DIAPH2: variants seen among roughly 807,000 people sequenced by gnomAD.
The protein encoded by DIAPH2 is protein diaphanous homolog 2.
In DIAPH2, 35 loss-of-function variants were observed where a neutral mutation model predicts 92.7. The observed-to-expected ratio is 0.38, with a 90% CI of 0.29 to 0.50. The LOEUF (loss-of-function observed/expected upper bound fraction) is 0.50, where lower values mean the gene tolerates loss of function less well. Among genes scored for constraint, DIAPH2 ranks in the 20% least tolerant of loss-of-function variants. DIAPH2 has a pLI of 0.94. For synonymous variants in DIAPH2, 301 were observed against 280.4 expected (o/e 1.07, Z -0.73); for missense variants, 701 against 819.5 (o/e 0.86, Z 1.77).
chrX:96,881,413 A>C (rs1327437351), intron 4 of DIAPH2, among the ~76,000 whole-genome samples, 166 bp from the exon 5 acceptor site: 2 of 111,297 alleles, frequency 1.8e-5, no homozygotes, highest in African/African-American at 6.5e-5. Context: ...GAAAATGTTG[A>C]GATATATACA....
At chrX:97,464,297 TAAAAAAA>T (rs753355896) in intron 26 of DIAPH2, among the ~76,000 whole-genome samples, 10 of 32,946 alleles carry the variant, frequency 3.0e-4, no homozygotes, top group Admixed American at 5.3e-4. Context: ...CCATCTCTAC[TAAAAAAA>T]AAAAAAAAAA....
At chrX:97,029,146 C>CCT (rs2066355456) in intron 17 of DIAPH2, among the ~76,000 whole-genome samples, 1 of 92,721 alleles carries the variant, frequency 1.1e-5, no homozygotes, top group Non-Finnish European at 2.2e-5. Flanking sequence ...TTTTCTTTTT[C>CCT]TTTTTTTTTT....
intron 22 of DIAPH2, among the ~76,000 whole-genome samples, chrX:97,155,139 TATTA>T (rs763991397): frequency 1.8e-5 from 2 of 112,286 alleles, no homozygotes; most frequent in Non-Finnish European, 3.8e-5. Context: ...GATGCTTATG[TATTA>T]ATTATTTGCT....
At chrX:97,289,730 T>G (rs2068574074) in intron 23 of DIAPH2, among the ~76,000 whole-genome samples, 2 of 109,798 alleles carry the variant, frequency 1.8e-5, no homozygotes, top group Admixed American at 9.8e-5. Flanking sequence ...TTTTTTTTTT[T>G]GGTTTGTTTT....
intron 26 of DIAPH2, among the ~76,000 whole-genome samples, chrX:97,437,760 T>TTA (rs2070202185): frequency 1.3e-5 from 1 of 78,966 alleles, no homozygotes; most frequent in Admixed American, 1.4e-4. Context: ...TTACATGATT[T>TTA]TACACACACA....
chrX:96,971,146 C>T (rs1207748953), intron 17 of DIAPH2, among the ~76,000 whole-genome samples: 1 of 111,564 alleles, frequency 9.0e-6, no homozygotes, highest in African/African-American at 3.3e-5. Context: ...AACACAGACT[C>T]TTTGTTTTAC....
intron 17 of DIAPH2, among the ~76,000 whole-genome samples, chrX:97,060,747 A>G (rs2066591850): frequency 8.9e-6 from 1 of 112,210 alleles, no homozygotes; most frequent in Non-Finnish European, 1.9e-5. Context: ...TTTTTGTTCT[A>G]TATTGTTTGC....
intron 15 of DIAPH2, among the ~76,000 whole-genome samples, chrX:96,956,013 C>A (rs939293697): frequency 8.9e-6 from 1 of 112,641 alleles, no homozygotes; most frequent in African/African-American, 3.2e-5. Flanking sequence ...GGGGCTCCAA[C>A]CCCACATTTC....
chrX:97,570,127 A>AT (rs1556243082), intron 26 of DIAPH2, among the ~76,000 whole-genome samples: 1,042 of 26,638 alleles, frequency 0.039, 56 homozygotes, highest in Middle Eastern at 0.094. Flanking sequence ...TATATATTAG[A>AT]AGATAGATAG....
intron 9 of DIAPH2, among the ~76,000 whole-genome samples, chrX:96,923,955 G>C (rs1238823164): frequency 8.9e-6 from 1 of 111,910 alleles, no homozygotes; most frequent in African/African-American, 3.2e-5. Flanking sequence ...TGTGAAACAA[G>C]ATGTTGATAC....
Position 97,100,233 on chromosome X carries a change from A to G in DIAPH2, c.2349+438A>G, listed in dbSNP as rs762485625. On this transcript the variant is annotated intron_variant, in intron 20 of 26. Coordinates refer to ENST00000324765, the MANE Select transcript of DIAPH2 (RefSeq NM_006729.5). ...TTTCTAGGGTATATGTCGTGTCAGA[A>G]AAAGCAAAAGGATTTTCAGATTTCA... 4.0e-4 allele frequency among the ~76,000 whole-genome samples: 45 copies of G among 111,564 alleles called. 1 individual carries two copies. Among genetic ancestry groups the G allele is most frequent in the Middle Eastern group, 4.8e-3 (1 of 207 alleles).
chrX:97,585,579 A>G (rs2071474369), intron 26 of DIAPH2, among the ~76,000 whole-genome samples: 1 of 24,155 alleles, frequency 4.1e-5, no homozygotes, highest in African/African-American at 6.8e-5. Context: ...CTGCTTTCCT[A>G]AGTAAAAAAA....
intron 26 of DIAPH2, among the ~76,000 whole-genome samples, chrX:97,533,828 G>A (rs73258366): frequency 1.4e-3 from 151 of 111,044 alleles, no homozygotes; most frequent in Middle Eastern, 4.7e-3. Flanking sequence ...AATTTCTTTT[G>A]GAATGAGAAG....
At chrX:96,992,518 T>C (rs1046749294) in intron 17 of DIAPH2, among the ~76,000 whole-genome samples, 1 of 112,236 alleles carries the variant, frequency 8.9e-6, no homozygotes, top group Non-Finnish European at 1.9e-5. Context: ...TGTTTTGTAA[T>C]ACTGAGCATA....
rs2063801931 is a variant in DIAPH2 at position 96,692,314 on chromosome X, C to T, written c.132+7124C>T. Among the ~76,000 whole-genome samples, 7 of 111,763 alleles carry T rather than the reference C, an allele frequency of 6.3e-5. No homozygotes were observed. The Admixed American group carries it at 6.7e-4, about 11-fold the overall frequency. On this transcript the variant is annotated intron_variant, in intron 1 of 26. Coordinates refer to ENST00000324765, the MANE Select transcript of DIAPH2 (RefSeq NM_006729.5). The stretch of plus-strand genomic sequence containing the variant: ...GTCATTTTACTCCTACATACTGTCA[C>T]GTCTTTAAAAATTAAAATTAACATA...
intron 19 of DIAPH2, among the ~76,000 whole-genome samples, chrX:97,097,762 A>G (rs1489803055): frequency 8.9e-6 from 1 of 111,906 alleles, no homozygotes; most frequent in Non-Finnish European, 1.9e-5. Flanking sequence ...TTTCTTAATA[A>G]CATACATACT....
At chrX:97,229,494 G>A (rs2067991065) in intron 22 of DIAPH2, among the ~76,000 whole-genome samples, 1 of 111,370 alleles carries the variant, frequency 9.0e-6, no homozygotes, top group African/African-American at 3.3e-5. Context: ...TTGGTGACTG[G>A]CTGGTTATGG....
In DIAPH2 at chrX:96,730,517, T is replaced by C. The variant is rs185964766; in HGVS notation, c.133-5241T>C. On this transcript the variant is annotated intron_variant, in intron 1 of 26. Transcript: ENST00000324765. ...CCTCTGTGACTGCTGCTTATCTGAA[T>C]AGGGATTGGGCAGGGATGTCGTCCA... Among the ~76,000 whole-genome samples the C allele has an allele frequency of 6.2e-4, 69 of 111,596 alleles. No homozygotes were observed. In the Admixed American group the frequency reaches 6.4e-3, roughly 10 times the overall value.
At chrX:97,253,521 G>A (rs2068208670) in intron 23 of DIAPH2, among the ~76,000 whole-genome samples, 1 of 109,766 alleles carries the variant, frequency 9.1e-6, no homozygotes, top group African/African-American at 3.3e-5. Context: ...GCCGAGGCGG[G>A]TGGATGACTA....
Sources: gnomAD v4.1 joint callset for allele counts (sites outside exome capture counted in the v4.1 genomes callset) on GRCh38, gnomAD v4.1.1 for gene constraint, MANE v1.5 for transcripts, NCBI Gene and HGNC (gene_info 2026-07-23, HGNC 2026-07-21) for gene names.